Variants in SPTB observed in about 807,000 individuals in gnomAD.
The protein encoded by SPTB is spectrin beta, erythrocytic.
A neutral mutation model predicts 256.2 loss-of-function variants in SPTB; 45 were observed. The ratio of observed to expected loss-of-function variants is 0.18; its 90% CI spans 0.14 to 0.23. The LOEUF (loss-of-function observed/expected upper bound fraction) is 0.23, where lower values mean the gene tolerates loss of function less well. SPTB is among the 10% of genes least tolerant of loss of function. The probability of loss-of-function intolerance (pLI) is 1.00; values close to 1 mark genes in which losing one functional copy is unlikely to be tolerated. For synonymous variants in SPTB, 1,231 were observed against 1,243.1 expected, an observed-to-expected ratio of 0.99 and a Z score of 0.21; for missense variants, 2,715 against 3,040.4, an observed-to-expected ratio of 0.89 and a Z score of 2.52.
rs1328958315 is a variant in SPTB, at chr14:64,823,083, G to A, written c.12C>T (p.Ala4=). 2 of 1,614,058 alleles carry A rather than the reference G, an allele frequency of 1.2e-6. No individual in the cohort carries two copies. Among genetic ancestry groups the A allele is most frequent in the Non-Finnish European group, 1.7e-6 (2 of 1,180,044 alleles). MTS[A]TEFENVGNQP... Reference sequence around the variant, plus strand: ...GGTTGCCCACATTTTCAAACTCTGTGGCCGATGTCATGTCAGCAGGCTCTT... The same window carrying A: ...GGTTGCCCACATTTTCAAACTCTGTAGCCGATGTCATGTCAGCAGGCTCTT... The change falls in exon 2 of 36, where the codon GCC becomes GCT. Residue 4 remains alanine, a synonymous_variant. Coordinates refer to ENST00000644917, the MANE Select transcript of SPTB (RefSeq NM_001355436.2). The surrounding 1 kb of genome is among the most constrained non-coding windows in gnomAD (Gnocchi z 6.5).
intron 32 of SPTB, chr14:64,763,698 A>G (rs2082124889): frequency 3.9e-6 from 2 of 517,030 alleles, no homozygotes; most frequent in South Asian, 2.8e-5. Context: ...CTTCCCCTCC[A>G]GCAGTTTTGT....
At chr14:64,860,759 C>A (rs1031796905) in intron 1 of SPTB, among the ~76,000 whole-genome samples, 1 of 152,254 alleles carries the variant, frequency 6.6e-6, no homozygotes, top group African/African-American at 2.4e-5. Flanking sequence ...AATGCTTTTA[C>A]GATGTTGGTG....
chr14:64,834,824 T>C (rs915938341), intron 1 of SPTB, among the ~76,000 whole-genome samples: 2 of 152,222 alleles, frequency 1.3e-5, no homozygotes, highest in Non-Finnish European at 2.9e-5. Flanking sequence ...CAGCTTCACA[T>C]GCAGAACTCT....
chr14:64,769,215 C>T, intron 28 of SPTB, 97 bp from the exon 29 acceptor site: 7 of 1,203,678 alleles, frequency 5.8e-6, no homozygotes, highest in Non-Finnish European at 8.6e-6. Flanking sequence ...CAGGTTTGGT[C>T]CTACAGCCCT....
At position 64,790,040 on chromosome 14, in the gene SPTB, T is replaced by C. The variant is rs1046444368; in HGVS notation, c.2804+1679A>G. Reference sequence around the variant, plus strand: ...CTCTCAAGGGCAGAGCCAGAATCAATATGTACGCATTTCAAGGAGGCAGAT... The same window carrying C: ...CTCTCAAGGGCAGAGCCAGAATCAACATGTACGCATTTCAAGGAGGCAGAT... On this transcript the variant is annotated intron_variant, in intron 15 of 35. Transcript: ENST00000644917. The surrounding 1 kb of genome is among the most constrained non-coding windows in gnomAD (Gnocchi z 4.8). Among the ~76,000 whole-genome samples, 2 of 152,128 alleles carry C rather than the reference T, an allele frequency of 1.3e-5. No individual in the cohort carries two copies. Among genetic ancestry groups the C allele is most frequent in the African/African-American group, 2.4e-5 (1 of 41,426 alleles).
chr14:64,782,401 C>T lies in SPTB; in HGVS notation c.4155G>A (p.Leu1385=), dbSNP rs761076024. The T allele has an allele frequency of 3.1e-6, 5 of 1,614,168 alleles. No homozygotes were observed. The highest frequency in any genetic ancestry group is 4.2e-6 in the Non-Finnish European group (5 of 1,180,050). Residue 1385 remains leucine, a synonymous_variant, in exon 20 of 36, where the codon TTG becomes TTA. Coordinates refer to ENST00000644917, the MANE Select transcript of SPTB (RefSeq NM_001355436.2). ...LSAARSSDLR[L]QTHADLNKWI... ...ACTTGTTGAGGTCAGCATGGGTCTG[C>T]AAGCGCAGGTCGGAGCTCCTGGCAG...
In SPTB at chr14:64,847,110, T is replaced by G. The variant is rs1211687010; in HGVS notation, c.-51-23965A>C. On this transcript the variant is annotated intron_variant, in intron 1 of 35. Coordinates refer to ENST00000644917, the MANE Select transcript of SPTB (RefSeq NM_001355436.2). The surrounding 1 kb of genome is among the most constrained non-coding windows in gnomAD (Gnocchi z 5.9). ...CCACCTCGGGGTGTGATTTCCTCAGTTGTTCACTGGCATAGAAGCCTCAAG... is the reference window on the plus strand; with the variant it reads ...CCACCTCGGGGTGTGATTTCCTCAGGTGTTCACTGGCATAGAAGCCTCAAG... 6.6e-6 allele frequency among the ~76,000 whole-genome samples: 1 copy of G among 152,222 alleles called. No individual in the cohort carries two copies. The highest frequency in any genetic ancestry group is 1.5e-5 in the Non-Finnish European group (1 of 68,026).
intron 8 of SPTB, among the ~76,000 whole-genome samples, chr14:64,800,238 A>G (rs113627352): frequency 6.6e-6 from 1 of 152,244 alleles, no homozygotes; most frequent in African/African-American, 2.4e-5. Context: ...GCCAGCCACT[A>G]GGGGGCCAGG....
At chr14:64,770,775 G>A (rs1410844451) in intron 27 of SPTB, 110 bp downstream of exon 27, 8 of 1,527,970 alleles carry the variant, frequency 5.2e-6, no homozygotes, top group African/African-American at 4.1e-5. Flanking sequence ...TTCATGGAAC[G>A]ATAGTCCAGG....
At chr14:64,822,556 A>G (rs941509128) in intron 2 of SPTB, among the ~76,000 whole-genome samples, 2 of 151,962 alleles carry the variant, frequency 1.3e-5, no homozygotes, top group Non-Finnish European at 2.9e-5. Flanking sequence ...AGAGAGGACT[A>G]TGGTAATTCC....
chr14:64,790,015 C>G lies in SPTB; in HGVS notation c.2804+1704G>C, dbSNP rs1175971294. On this transcript the variant is annotated intron_variant, in intron 15 of 35. Transcript: ENST00000644917. This position sits in a 1 kb window ranked among gnomAD's most constrained non-coding sequence, Gnocchi z 4.8. ...AGAGGAACCAGGGTAAGTGTGATAT[C>G]TCTCAAGGGCAGAGCCAGAATCAAT... 6.6e-6 allele frequency among the ~76,000 whole-genome samples: 1 copy of G among 152,168 alleles called. No individual in the cohort carries two copies. Among genetic ancestry groups the G allele is most frequent in the East Asian group, 1.9e-4 (1 of 5,194 alleles).
Position 64,782,336 on chromosome 14 carries a change from G to A in SPTB, c.4220C>T (p.Pro1407Leu), listed in dbSNP as rs147131185. The A allele has an allele frequency of 1.1e-4, 178 of 1,614,196 alleles. No homozygotes were observed. Among genetic ancestry groups the A allele is most frequent in the African/African-American group, 4.1e-4 (31 of 75,038 alleles). Residue 1407 changes from proline to leucine, a missense_variant, in exon 20 of 36, where the codon CCG becomes CTG. This residue lies in a region of SPTB where 2,239 missense variants were observed against 2,384.4 expected (regional missense o/e 0.94). Coordinates refer to ENST00000644917, the MANE Select transcript of SPTB (RefSeq NM_001355436.2). ...AMEDQLRSDD[P>L]GKDLTSVNRM... ...ATTGACACTGGTCAGGTCCTTGCCC[G>A]GGTCGTCTGACCGCAGCTGGTCCTC...
chr14:64,804,940 A>T lies in SPTB; in HGVS notation c.299T>A (p.Leu100Gln). The T allele has an allele frequency of 6.2e-7, 1 of 1,614,114 alleles. No homozygotes were observed. Among genetic ancestry groups the T allele is most frequent in the Non-Finnish European group, 8.5e-7 (1 of 1,180,030 alleles). ...CGGGGCCCACAGAAGGGACTTTACC[A>T]GCATCTCTCCAGAGAGCACCTCCAG... ...KLLEVLSGEM[L>Q]PKPTKGKMRI... Residue 100 changes from leucine (L) to glutamine (Q), a missense_variant and splice_region_variant, in exon 3 of 36, where the codon CTG becomes CAG. This residue lies in a region of SPTB where 416 missense variants were observed against 571.1 expected (regional missense o/e 0.73). Coordinates refer to ENST00000644917, the MANE Select transcript of SPTB (RefSeq NM_001355436.2).
chr14:64,869,785 G>GC (rs1882422710), intron 1 of SPTB, among the ~76,000 whole-genome samples: 1 of 62,514 alleles, frequency 1.6e-5, no homozygotes, highest in Non-Finnish European at 4.3e-5. Flanking sequence ...ACGATGCCCT[G>GC]CTTTTTTTTT....
At chr14:64,856,129 G>T (rs2083869022) in intron 1 of SPTB, among the ~76,000 whole-genome samples, 1 of 152,250 alleles carries the variant, frequency 6.6e-6, no homozygotes. Context: ...AGAAAAGAAA[G>T]CAATGTGCTA....
Position 64,770,930 on chromosome 14 carries a change from C to T in SPTB, c.5753G>A (p.Trp1918Ter). ...FFSMARDLLS[W>*]MESIIRQIET... The stretch of plus-strand genomic sequence containing the variant: ...GATCTGCCGGATGATGCTCTCCATC[C>T]AGGAGAGGAGGTCACGGGCCATGCT... Residue 1918 changes from tryptophan (W) to a stop codon, truncating the protein, a stop_gained, in exon 27 of 36, where the codon TGG becomes TAG. Coordinates refer to ENST00000644917, the MANE Select transcript of SPTB (RefSeq NM_001355436.2). LOFTEE classifies it high-confidence loss of function. The T allele has an allele frequency of 6.2e-7, 1 of 1,614,116 alleles. No individual in the cohort carries two copies. The highest frequency in any genetic ancestry group is 8.5e-7 in the Non-Finnish European group (1 of 1,180,022).
chr14:64,768,763 C>T (rs956118817), intron 29 of SPTB, among the ~76,000 whole-genome samples: 12 of 152,066 alleles, frequency 7.9e-5, no homozygotes, highest in East Asian at 2.0e-4. Flanking sequence ...CATACCAGCC[C>T]GGGCATGAGG....
At chr14:64,812,565 G>C (rs1444416124) in intron 2 of SPTB, among the ~76,000 whole-genome samples, 3 of 151,892 alleles carry the variant, frequency 2.0e-5, no homozygotes, top group Admixed American at 2.0e-4. Flanking sequence ...TCCCCACAGG[G>C]TCACGGCGCA....
At chr14:64,867,674 C>T (rs997630080) in intron 1 of SPTB, among the ~76,000 whole-genome samples, 4 of 151,926 alleles carry the variant, frequency 2.6e-5, no homozygotes, top group African/African-American at 9.7e-5. Flanking sequence ...GCCAACATGG[C>T]GAAACCCCGT....
Sources: allele counts gnomAD v4.1 joint callset (sites outside exome capture counted in the v4.1 genomes callset), GRCh38; gene constraint gnomAD v4.1.1; regional missense constraint gnomAD v4.1.1; non-coding constraint Gnocchi (gnomAD v3.1); transcripts MANE v1.5; gene names NCBI Gene and HGNC (gene_info 2026-07-23, HGNC 2026-07-21).